Variants in ANK2 observed in about 807,000 individuals in gnomAD.
The protein encoded by ANK2 is ankyrin-2.
In ANK2, 83 loss-of-function variants were observed where a neutral mutation model predicts 360.5. That is an observed-to-expected ratio of 0.23 (90% CI 0.19 to 0.28). ANK2 has a LOEUF of 0.28. Among genes scored for constraint, ANK2 ranks in the 10% least tolerant of loss-of-function variants. The pLI is 1.00. For synonymous variants in ANK2, 1,740 were observed against 1,759.5 expected, an observed-to-expected ratio of 0.99 and a Z score of 0.28; for missense variants, 4,201 against 4,795.7, an observed-to-expected ratio of 0.88 and a Z score of 3.66.
Position 113,123,567 on chromosome 4 carries a change from A to G in ANK2, c.85-50849A>G, listed in dbSNP as rs1270639524. On this transcript the variant is annotated intron_variant, in intron 1 of 45. Transcript: ENST00000357077. ...ATTCTGGATTTCTGCATAAATTGCT[A>G]GTGAAGTCATCAGCTATTTGAGTGT... Among the ~76,000 whole-genome samples the G allele has an allele frequency of 2.6e-5, 4 of 152,190 alleles. No individual in the cohort carries two copies. The East Asian group carries it at 7.7e-4, about 29-fold the overall frequency.
At chr4:113,036,037 T>A (rs1187269527) in intron 2 of ANK2, among the ~76,000 whole-genome samples, 1 of 151,982 alleles carries the variant, frequency 6.6e-6, no homozygotes, top group Non-Finnish European at 1.5e-5. Flanking sequence ...ACTCTATTTG[T>A]TGACCTTGAG....
At chr4:112,904,496 G>T in exon 2 of ANK2, 1 of 1,507,894 alleles carries the variant, frequency 6.6e-7, no homozygotes, top group South Asian at 1.3e-5. Flanking sequence ...TATTTCAAAT[G>T]ACCACCATGT....
At chr4:113,156,371 C>CTTTTTTTTTTTTTTTTTTTTTTTTTT (rs150536846) in intron 1 of ANK2, among the ~76,000 whole-genome samples, 14 of 128,468 alleles carry the variant, frequency 1.1e-4, no homozygotes, top group Non-Finnish European at 1.1e-4. Context: ...TAGAAAAATT[C>CTTTTTTTTTTTTTTTTTTTTTTTTTT]TTTTTTTTTT....
At chr4:112,888,122 G>A (rs919421700) in intron 1 of ANK2, among the ~76,000 whole-genome samples, 34 of 152,084 alleles carry the variant, frequency 2.2e-4, no homozygotes, top group African/African-American at 8.0e-4. Context: ...TTTTAAAGAT[G>A]GTTTTAGCTG....
chr4:113,254,401 ATATTT>A (rs1202530403), intron 10 of ANK2, among the ~76,000 whole-genome samples: 3 of 152,196 alleles, frequency 2.0e-5, no homozygotes, highest in Non-Finnish European at 4.4e-5. Flanking sequence ...TAGATGATGA[ATATTT>A]TATTTTCCAC....
chr4:113,294,831 C>T (rs978180724), intron 22 of ANK2, among the ~76,000 whole-genome samples: 1 of 152,170 alleles, frequency 6.6e-6, no homozygotes, highest in Non-Finnish European at 1.5e-5. Context: ...TAGCACCATA[C>T]TTGTAGGTCA....
chr4:113,163,449 A>G (rs925251010), intron 1 of ANK2, among the ~76,000 whole-genome samples: 9 of 151,868 alleles, frequency 5.9e-5, no homozygotes, highest in African/African-American at 2.2e-4. Flanking sequence ...ACAGATGACA[A>G]TGGACTTTTT....
At chr4:112,762,157 C>T in the ANK2 span, among the ~76,000 whole-genome samples, 1 of 152,046 alleles carries the variant, frequency 6.6e-6, no homozygotes, top group Non-Finnish European at 1.5e-5. Context: ...GGTGGTTTGC[C>T]ATATTGAAAG....
chr4:112,748,880 C>T, the ANK2 span, among the ~76,000 whole-genome samples: 28 of 152,216 alleles, frequency 1.8e-4, no homozygotes, highest in South Asian at 1.5e-3. Context: ...AGTCAGTGGA[C>T]GGACCTATGA....
At chr4:113,185,872 G>T (rs2098511838) in intron 2 of ANK2, among the ~76,000 whole-genome samples, 1 of 152,130 alleles carries the variant, frequency 6.6e-6, no homozygotes, top group Non-Finnish European at 1.5e-5. Context: ...AATCCATCTT[G>T]AGTTGATTTT....
chr4:113,145,529 C>A, intron 1 of ANK2: 2 of 958,672 alleles, frequency 2.1e-6, no homozygotes, highest in Non-Finnish European at 2.5e-6. Flanking sequence ...TGGTGAAAAA[C>A]AAAACAACAC....
chr4:113,336,940 A>G (rs2093619874), intron 31 of ANK2, among the ~76,000 whole-genome samples, 159 bp downstream of exon 31: 1 of 152,236 alleles, frequency 6.6e-6, no homozygotes, highest in Non-Finnish European at 1.5e-5. Context: ...GTGAAAGGAA[A>G]CAACTATTAT....
the ANK2 span, among the ~76,000 whole-genome samples, chr4:112,774,027 C>T: frequency 6.6e-6 from 1 of 151,838 alleles, no homozygotes; most frequent in African/African-American, 2.4e-5. Context: ...TCTTGAACTC[C>T]TGATCTCGTG....
chr4:113,115,788 A>G (rs888841586), intron 1 of ANK2, among the ~76,000 whole-genome samples: 8 of 152,148 alleles, frequency 5.3e-5, no homozygotes, highest in African/African-American at 1.9e-4. Context: ...AAAACATATC[A>G]TTTTCTAGGA....
chr4:113,202,680 G>A (rs2098847774), intron 4 of ANK2, among the ~76,000 whole-genome samples: 1 of 152,124 alleles, frequency 6.6e-6, no homozygotes, highest in African/African-American at 2.4e-5. Context: ...AAAATTTTTG[G>A]AATTATAGGT....
chr4:112,801,243 A>G, the ANK2 span, among the ~76,000 whole-genome samples: 1 of 152,174 alleles, frequency 6.6e-6, no homozygotes, highest in Admixed American at 6.5e-5. Context: ...TCAATAGTCA[A>G]CAAAATGCTG....
chr4:113,281,602 C>A (rs1375027123), intron 17 of ANK2, among the ~76,000 whole-genome samples: 5 of 152,138 alleles, frequency 3.3e-5, no homozygotes, highest in African/African-American at 1.2e-4. Context: ...ATTATGCTCT[C>A]TTTCCCTTCA....
chr4:113,340,587 C>G (rs2094153714), intron 32 of ANK2, among the ~76,000 whole-genome samples: 1 of 151,966 alleles, frequency 6.6e-6, no homozygotes, highest in Admixed American at 6.6e-5. Flanking sequence ...TCCTAGGAAC[C>G]AGGGAGGTTG....
intron 1 of ANK2, among the ~76,000 whole-genome samples, chr4:112,894,449 T>C (rs1461700461): frequency 6.6e-6 from 1 of 151,986 alleles, no homozygotes; most frequent in Non-Finnish European, 1.5e-5. Context: ...TTGAAAACTT[T>C]CAAACTTCAA....
Sources: allele counts gnomAD v4.1 joint callset (sites outside exome capture counted in the v4.1 genomes callset), GRCh38; gene constraint gnomAD v4.1.1; transcripts MANE v1.5; gene names NCBI Gene and HGNC (gene_info 2026-07-23, HGNC 2026-07-21).